ORAI2: variants seen among roughly 807,000 people sequenced by gnomAD.
ORAI2 encodes protein orai-2.
In ORAI2, 10 loss-of-function variants were observed where a neutral mutation model predicts 16.2. The observed-to-expected ratio is 0.62, with a 90% confidence interval of 0.38 to 1.04. ORAI2 has a LOEUF of 1.04. ORAI2 is among the 50% of genes least tolerant of loss of function. ORAI2 has a pLI of 0.01. For missense variants in ORAI2, 238 were observed against 355.5 expected, an observed-to-expected ratio of 0.67 and a Z score of 2.66; for synonymous variants, 150 against 157.5, an observed-to-expected ratio of 0.95 and a Z score of 0.35.
Position 102,451,502 on chromosome 7 carries a change from T to G in ORAI2, c.*4450T>G, listed in dbSNP as rs2133240933. On this transcript the variant is annotated 3_prime_UTR_variant, in exon 4 of 4. Transcript: ENST00000495936. ...GCCCTTACCTGCCTCGTGCTGATGA[T>G]CTATGCATGGCGTTATGTAGATCAC... is the stretch of plus-strand genomic sequence containing the variant. The G allele has an allele frequency of 6.6e-6, 1 of 152,348 alleles. No homozygotes were observed. Among genetic ancestry groups the G allele is most frequent in the East Asian group, 1.9e-4 (1 of 5,188 alleles). 9.4% of individuals were successfully genotyped at this position (152,348 alleles called of 1,614,324 possible). A position where few individuals can be genotyped will look rare whatever the true frequency, so the allele number is the denominator to read the frequency against.
At position 102,452,460 on chromosome 7, in the gene ORAI2, T is replaced by G. The variant is rs1377824955; in HGVS notation, c.*5408T>G. The stretch of plus-strand genomic sequence containing the variant: ...TATAGATTTATTTTAGAGACAGGGT[T>G]GGGCTCTATTGCCCAGGCCAGAGCT... On this transcript the variant is annotated 3_prime_UTR_variant, in exon 4 of 4. Coordinates refer to ENST00000495936, the MANE Select transcript of ORAI2 (RefSeq NM_001126340.3). 6.6e-6 allele frequency: 1 copy of G among 151,494 alleles called. No homozygotes were observed. Among genetic ancestry groups the G allele is most frequent in the Non-Finnish European group, 1.5e-5 (1 of 67,946 alleles). 9.4% of individuals were successfully genotyped at this position (151,494 alleles called of 1,614,324 possible).
Position 102,449,289 on chromosome 7 carries a change from C to A in ORAI2, c.*2237C>A, listed in dbSNP as rs117398921. On this transcript the variant is annotated 3_prime_UTR_variant, in exon 4 of 4. Transcript: ENST00000495936. ...CTAAAGAATATCAACATCGGCCAGG[C>A]GAGGTGGGGCACGCCTGTCATCCCA... The A allele has an allele frequency of 0.037, 5,661 of 152,224 alleles. 134 individuals carry two copies. Among genetic ancestry groups the A allele is most frequent in the Middle Eastern group, 0.07 (21 of 298 alleles). 9.4% of individuals were successfully genotyped at this position (152,224 alleles called of 1,614,324 possible).
Position 102,453,479 on chromosome 7 carries a change from C to T in ORAI2, c.*6427C>T, listed in dbSNP as rs1797577108. On this transcript the variant is annotated 3_prime_UTR_variant, in exon 4 of 4. Coordinates refer to ENST00000495936, the MANE Select transcript of ORAI2 (RefSeq NM_001126340.3). ...GGAATCAGGTGTGCCAAGCAACTGG[C>T]ACCACTCCATGGAAAGCGTCTAGGG... The T allele has an allele frequency of 6.6e-6, 1 of 152,232 alleles. No homozygotes were observed. Among genetic ancestry groups the T allele is most frequent in the Non-Finnish European group, 1.5e-5 (1 of 68,070 alleles). 9.4% of individuals were successfully genotyped at this position (152,232 alleles called of 1,614,324 possible). A position where few individuals can be genotyped will look rare whatever the true frequency, so the allele number is the denominator to read the frequency against.
chr7:102,436,067 C>T (rs1293625331), intron 1 of ORAI2, 158 bp from the exon 2 acceptor site: 1 of 152,532 alleles, frequency 6.6e-6, no homozygotes, highest in African/African-American at 2.4e-5. Context: ...GCGTCTCACC[C>T]CTCCAGTCTC....
In ORAI2 at chr7:102,448,316, C is replaced by G. The variant is rs1371765740; in HGVS notation, c.*1264C>G. On this transcript the variant is annotated 3_prime_UTR_variant, in exon 4 of 4. Coordinates refer to ENST00000495936, the MANE Select transcript of ORAI2 (RefSeq NM_001126340.3). The stretch of plus-strand genomic sequence containing the variant: ...CTCGGGCCGCACATGCACGCCGCAG[C>G]ACCAGCTGCCCTGAGCTGCTTGTAC... The G allele has an allele frequency of 6.6e-6, 1 of 152,356 alleles. No homozygotes were observed. The highest frequency in any genetic ancestry group is 1.5e-5 in the Non-Finnish European group (1 of 68,106). The allele number at this position is 152,356 out of a possible 1,614,324, so 9.4% of individuals were successfully genotyped here.
rs1224054904 is a variant in ORAI2, at chr7:102,448,156, A to C, written c.*1104A>C. On this transcript the variant is annotated 3_prime_UTR_variant, in exon 4 of 4. Coordinates refer to ENST00000495936, the MANE Select transcript of ORAI2 (RefSeq NM_001126340.3). ...TGAGTGCCCTCCTTGTTATGACACC[A>C]AGTGACTACAAGGGAGGCAAGACCC... 6.6e-6 allele frequency: 1 copy of C among 152,408 alleles called. No individual in the cohort carries two copies. Among genetic ancestry groups the C allele is most frequent in the Non-Finnish European group, 1.5e-5 (1 of 68,178 alleles). The allele number at this position is 152,408 out of a possible 1,614,324, so 9.4% of individuals were successfully genotyped here.
Position 102,446,602 on chromosome 7 carries a change from G to A in ORAI2, c.315G>A (p.Val105=). 2 of 1,613,812 alleles carry A rather than the reference G, an allele frequency of 1.2e-6. No individual in the cohort carries two copies. Among genetic ancestry groups the A allele is most frequent in the Non-Finnish European group, 1.7e-6 (2 of 1,180,030 alleles). Residue 105 remains valine (V), a synonymous_variant, in exon 4 of 4, where the codon GTG becomes GTA. Transcript: ENST00000495936. Reference sequence around the variant, plus strand: ...TCAGCGCCTGCACCACGGTGCTGGTGGCCGTGCACCTGTTCGCCCTCCTCA... The same window carrying A: ...TCAGCGCCTGCACCACGGTGCTGGTAGCCGTGCACCTGTTCGCCCTCCTCA... ...IAFSACTTVL[V]AVHLFALLIS...
intron 3 of ORAI2, among the ~76,000 whole-genome samples, chr7:102,439,901 G>A (rs1348736641): frequency 6.6e-6 from 1 of 152,062 alleles, no homozygotes; most frequent in Admixed American, 6.6e-5. Flanking sequence ...CCAACATGGT[G>A]AAACACCGTC....
chr7:102,445,299 T>TG (rs35081208), intron 3 of ORAI2, among the ~76,000 whole-genome samples: 32,820 of 105,568 alleles, frequency 0.31, 4,548 homozygotes, highest in African/African-American at 0.48. Flanking sequence ...CGTTTTTTGT[T>TG]TTTTTTTTTT....
At chr7:102,444,719 G>A (rs538540253) in intron 3 of ORAI2, among the ~76,000 whole-genome samples, 2 of 146,146 alleles carry the variant, frequency 1.4e-5, no homozygotes. Flanking sequence ...AGGCTGGAGT[G>A]CAGTGGCATG....
At chr7:102,446,097 T>C (rs1215888485) in intron 3 of ORAI2, among the ~76,000 whole-genome samples, 7 of 152,056 alleles carry the variant, frequency 4.6e-5, no homozygotes, top group Non-Finnish European at 7.4e-5. Context: ...TACAGGTGCC[T>C]GCCACCACGC....
chr7:102,441,879 A>G (rs1563635872), intron 3 of ORAI2, among the ~76,000 whole-genome samples: 1 of 152,078 alleles, frequency 6.6e-6, no homozygotes, highest in Non-Finnish European at 1.5e-5. Flanking sequence ...GCAGCCTGGG[A>G]AAAATAAGTG....
chr7:102,434,478 G>A (rs769553862), intron 1 of ORAI2, among the ~76,000 whole-genome samples: 2 of 152,166 alleles, frequency 1.3e-5, no homozygotes, highest in Admixed American at 6.5e-5. Context: ...GAGGCCTGGC[G>A]GCTCCCAGGA....
Position 102,447,349 on chromosome 7 carries a change from C to A in ORAI2, c.*297C>A. 1 of 396,586 alleles carries A rather than the reference C, an allele frequency of 2.5e-6. No individual in the cohort carries two copies. The highest frequency in any genetic ancestry group is 4.6e-6 in the Non-Finnish European group (1 of 219,286). The allele number at this position is 396,586 out of a possible 1,614,324, so 24.6% of individuals were successfully genotyped here. ...CGGGACCTGCCCATCAGTCCTGGGCCAGGAGGGGCTCCAAGCAGCACCCAG... is the reference window on the plus strand; with the variant it reads ...CGGGACCTGCCCATCAGTCCTGGGCAAGGAGGGGCTCCAAGCAGCACCCAG... On this transcript the variant is annotated 3_prime_UTR_variant, in exon 4 of 4. Transcript: ENST00000495936.
Position 102,446,915 on chromosome 7 carries a change from A to G in ORAI2, c.628A>G (p.Ile210Val), listed in dbSNP as rs1484850225. Residue 210 changes from isoleucine (I) to valine (V), a missense_variant, in exon 4 of 4, where the codon ATC (isoleucine) becomes GTC (valine). Ile to Val is a conservative substitution (Grantham distance 29). Around this residue, in one of 3 missense-constraint regions of ORAI2, gnomAD observed 176 missense variants for 265.9 expected, o/e 0.66. Coordinates refer to ENST00000495936, the MANE Select transcript of ORAI2 (RefSeq NM_001126340.3). ...STIIMVPVGLIFVVFTIHFYR... is the reference protein window; with the variant it reads ...STIIMVPVGLVFVVFTIHFYR... ...CATCATCATGGTGCCCGTGGGCCTC[A>G]TCTTCGTGGTCTTCACCATCCACTT... is the stretch of plus-strand genomic sequence containing the variant. 6.2e-7 allele frequency: 1 copy of G among 1,613,148 alleles called. No individual in the cohort carries two copies. Among genetic ancestry groups the G allele is most frequent in the East Asian group, 2.2e-5 (1 of 44,870 alleles).
intron 1 of ORAI2, among the ~76,000 whole-genome samples, chr7:102,434,026 A>G (rs1796993426): frequency 1.3e-5 from 2 of 150,902 alleles, no homozygotes; most frequent in Admixed American, 6.6e-5. Flanking sequence ...CCCTCTGGAA[A>G]TGTGTCCAGT....
rs770154272 is a variant in ORAI2 at position 102,439,178 on chromosome 7, C to T, written c.222C>T (p.Ala74=). 1.2e-6 allele frequency: 2 copies of T among 1,613,220 alleles called. No homozygotes were observed. The highest frequency in any genetic ancestry group is 1.7e-6 in the Non-Finnish European group (2 of 1,179,756). ...CCTCCGCCCTCCTCTCCGGCTTTGC[C>T]ATGGTGAGTGTGGGCGCCAAGTGAG... The part of the protein sequence containing the change: ...SRTSALLSGF[A]MVAMVEVQLE... Residue 74 remains alanine (A), a synonymous_variant, in exon 3 of 4, where the codon GCC becomes GCT. Transcript: ENST00000495936.
At position 102,446,234 on chromosome 7, in the gene ORAI2, C is replaced by T. The variant is rs562982999; in HGVS notation, c.226-279C>T. Among the ~76,000 whole-genome samples the T allele has an allele frequency of 3.9e-5, 6 of 152,378 alleles. No individual in the cohort carries two copies. The South Asian group carries it at 6.2e-4, about 16-fold the overall frequency. On this transcript the variant is annotated intron_variant, in intron 3 of 3. Coordinates refer to ENST00000495936, the MANE Select transcript of ORAI2 (RefSeq NM_001126340.3). ...AAAGTGCTGGGATTATAGGCGTGAG[C>T]GACCACGCTGGCCTCTTCTGTACTG...
chr7:102,446,456 G>C (rs974812890), intron 3 of ORAI2, 57 bp from the exon 4 acceptor site: 4 of 1,515,620 alleles, frequency 2.6e-6, no homozygotes, highest in African/African-American at 2.7e-5. Flanking sequence ...GGTGGCCCTG[G>C]TGGGGCCATA....
Sources: allele counts gnomAD v4.1 joint callset (sites outside exome capture counted in the v4.1 genomes callset), GRCh38; gene constraint gnomAD v4.1.1; regional missense constraint gnomAD v4.1.1; transcripts MANE v1.5; gene names NCBI Gene and HGNC (gene_info 2026-07-23, HGNC 2026-07-21).